SH3BP2: variants seen among roughly 807,000 people sequenced by gnomAD.
SH3BP2 encodes the protein SH3 domain-binding protein 2.
A neutral mutation model predicts 56.2 loss-of-function variants in SH3BP2; 38 were observed. The observed-to-expected ratio is 0.68, with a 90% confidence interval of 0.52 to 0.89. The LOEUF (loss-of-function observed/expected upper bound fraction) is 0.89. Ranked by LOEUF, SH3BP2 falls within the 40% of genes least tolerant of loss-of-function variation. SH3BP2 has a pLI of 0.00. For missense variants in SH3BP2, 748 were observed against 762.6 expected (o/e 0.98, Z 0.23); for synonymous variants, 346 against 316.7 (o/e 1.09, Z -0.98).
At chr4:2,804,119 C>T (rs1042528118) in intron 1 of SH3BP2, among the ~76,000 whole-genome samples, 15 of 152,134 alleles carry the variant, frequency 9.9e-5, no homozygotes, top group African/African-American at 2.9e-4. Context: ...TCCCTGGCCT[C>T]GGTTTCCTGC....
rs563667481 is a variant in SH3BP2 at position 2,822,040 on chromosome 4, G to A, written c.137-895G>A. On this transcript the variant is annotated intron_variant, in intron 2 of 12. Coordinates refer to ENST00000503393, the MANE Select transcript of SH3BP2 (RefSeq NM_001122681.2). ...GTGCCACCACGCCCAGCTAATTTTT[G>A]TATTTTTAGTAGAGACAGCGTTTCA... Among the ~76,000 whole-genome samples, 50 of 151,892 alleles carry A rather than the reference G, an allele frequency of 3.3e-4. No individual in the cohort carries two copies. The South Asian group carries it at 4.2e-3, about 13-fold the overall frequency.
chr4:2,802,600 ATG>A (rs1723347641), intron 1 of SH3BP2, among the ~76,000 whole-genome samples: 1 of 131,624 alleles, frequency 7.6e-6, no homozygotes, highest in Non-Finnish European at 1.6e-5. Context: ...GTTTGTATAT[ATG>A]TGTATATATG....
rs1560099428 is a variant in SH3BP2, at chr4:2,810,255, G to A, written c.-4-10359G>A. Among the ~76,000 whole-genome samples, 1 of 151,796 alleles carries A rather than the reference G, an allele frequency of 6.6e-6. No homozygotes were observed. The highest frequency in any genetic ancestry group is 1.5e-5 in the Non-Finnish European group (1 of 67,928). On this transcript the variant is annotated intron_variant, in intron 1 of 12. Transcript: ENST00000503393. The surrounding 1 kb of genome is among the most constrained non-coding windows in gnomAD (Gnocchi z 4.2). ...ATAGGGTTGGGGAAGGGGCTGGTGT[G>A]GATTTGTCCCCCACCCCCAGGGTCC...
At chr4:2,832,020 C>G (rs748592900) in intron 10 of SH3BP2, 42 bp downstream of exon 10, 2 of 1,597,680 alleles carry the variant, frequency 1.3e-6, no homozygotes, top group South Asian at 2.2e-5. Context: ...TCCGCCATGC[C>G]CGGCTTCCTG....
In SH3BP2 at chr4:2,829,307, G is replaced by T. The variant is rs983555524; in HGVS notation, c.587-186G>T. ...GGATGAATGGGGAAGGCTGGGGGTG[G>T]TGGGTGGTCTGGGACCCTGGGGAAG... On this transcript the variant is annotated intron_variant, in intron 7 of 12. Coordinates refer to ENST00000503393, the MANE Select transcript of SH3BP2 (RefSeq NM_001122681.2). This position sits in a 1 kb window ranked among gnomAD's most constrained non-coding sequence, Gnocchi z 4.9. Among the ~76,000 whole-genome samples, 8 of 151,992 alleles carry T rather than the reference G, an allele frequency of 5.3e-5. No individual in the cohort carries two copies. The highest frequency in any genetic ancestry group is 8.8e-5 in the Non-Finnish European group (6 of 67,998).
chr4:2,836,346 A>T lies in SH3BP2; in HGVS notation c.*2512A>T, dbSNP rs1432161585. The T allele has an allele frequency of 6.6e-6, 1 of 152,358 alleles. No individual in the cohort carries two copies. Among genetic ancestry groups the T allele is most frequent in the South Asian group, 2.1e-4 (1 of 4,816 alleles). 9.4% of individuals were successfully genotyped at this position (152,358 alleles called of 1,614,324 possible). ...CCCATGACCTCCCGAGACTTGCCAT[A>T]AGTGTTCTAGTCCACATATAAGGGT... is the stretch of plus-strand genomic sequence containing the variant. On this transcript the variant is annotated 3_prime_UTR_variant, in exon 13 of 13. Coordinates refer to ENST00000503393, the MANE Select transcript of SH3BP2 (RefSeq NM_001122681.2).
In SH3BP2 at chr4:2,831,511, G is replaced by A. The variant is rs893559516; in HGVS notation, c.1242-60G>A. 6.9e-6 allele frequency: 9 copies of A among 1,313,664 alleles called. No individual in the cohort carries two copies. The highest frequency in any genetic ancestry group is 8.6e-6 in the Non-Finnish European group (8 of 930,252). The allele number at this position is 1,313,664 out of a possible 1,614,324, so 81.4% of individuals were successfully genotyped here. A position where few individuals can be genotyped will look rare whatever the true frequency, so the allele number is the denominator to read the frequency against. On this transcript the variant is annotated intron_variant, in intron 8 of 12. Coordinates refer to ENST00000503393, the MANE Select transcript of SH3BP2 (RefSeq NM_001122681.2). The surrounding 1 kb of genome is among the most constrained non-coding windows in gnomAD (Gnocchi z 4.1). Reference sequence around the variant, plus strand: ...AGGGTGGAGTGGGGAGGGGAGCAGAGGGTGGCCGCCCCGTGTCTGACAGTG... The same window carrying A: ...AGGGTGGAGTGGGGAGGGGAGCAGAAGGTGGCCGCCCCGTGTCTGACAGTG...
In SH3BP2 at chr4:2,829,413, G is replaced by A; in HGVS notation, c.587-80G>A. On this transcript the variant is annotated intron_variant, in intron 7 of 12. Coordinates refer to ENST00000503393, the MANE Select transcript of SH3BP2 (RefSeq NM_001122681.2). The surrounding 1 kb of genome is among the most constrained non-coding windows in gnomAD (Gnocchi z 4.9). ...CTACCATGGGTTGCACTCCTGGTTGGCCTGGCTGACCACTGCCAGCAGAGG... is the reference window on the plus strand; with the variant it reads ...CTACCATGGGTTGCACTCCTGGTTGACCTGGCTGACCACTGCCAGCAGAGG... 4 of 1,510,238 alleles carry A rather than the reference G, an allele frequency of 2.6e-6. No homozygotes were observed. The highest frequency in any genetic ancestry group is 3.7e-6 in the Non-Finnish European group (4 of 1,086,996). 93.6% of individuals were successfully genotyped at this position (1,510,238 alleles called of 1,614,324 possible).
intron 1 of SH3BP2, 22 bp from the exon 2 acceptor site, chr4:2,820,592 G>A (rs770529314): frequency 2.5e-6 from 4 of 1,613,954 alleles, no homozygotes; most frequent in African/African-American, 1.3e-5. Context: ...GCTGAGCCAC[G>A]TGCCTTTGTC....
Position 2,818,716 on chromosome 4 carries a change from C to G in SH3BP2, c.-4-1898C>G, listed in dbSNP as rs116527439. 1,718 of 994,472 alleles carry G rather than the reference C, an allele frequency of 1.7e-3. 18 individuals carry two copies. The African/African-American group carries it at 0.027, about 16-fold the overall frequency. The allele number at this position is 994,472 out of a possible 1,614,324, so 61.6% of individuals were successfully genotyped here. On this transcript the variant is annotated intron_variant, in intron 1 of 12. Coordinates refer to ENST00000503393, the MANE Select transcript of SH3BP2 (RefSeq NM_001122681.2). ...GGTGTGGCGGCGCCTTTGTTCCAAA[C>G]CTTGGCCTGTGGTTGGGGGTCCTGC...
chr4:2,825,113 C>T lies in SH3BP2; in HGVS notation c.358-13C>T, dbSNP rs199799999. On this transcript the variant is annotated splice_polypyrimidine_tract_variant and intron_variant, in intron 4 of 12. Transcript: ENST00000503393. ...GGTGGCACCGTGCCCACCACAGCCC[C>T]GCTGACCTGCAGAGCTGGATGGCCT... The T allele has an allele frequency of 9.6e-6, 15 of 1,563,406 alleles. No homozygotes were observed. The highest frequency in any genetic ancestry group is 1.7e-4 in the Middle Eastern group (1 of 5,996).
At chr4:2,796,503 T>A in intron 1 of SH3BP2, 1 of 967,004 alleles carries the variant, frequency 1.0e-6, no homozygotes, top group Non-Finnish European at 1.2e-6. Context: ...TGGATTCCGG[T>A]CACATCTGGT....
rs1725032953 is a variant in SH3BP2, at chr4:2,832,332, T to C, written c.1408T>C (p.Leu470=). ...GCTAATATGACTGTCTTATTTTAGG[T>C]TGTTCAAGGCTACAAGCCCCCGGGG... ...NTTESCEVER[L]FKATSPRGEP... Residue 470 remains leucine (L), a splice_region_variant and synonymous_variant, in exon 11 of 13, where the codon TTG becomes CTG. Coordinates refer to ENST00000503393, the MANE Select transcript of SH3BP2 (RefSeq NM_001122681.2). 1 of 1,613,378 alleles carries C rather than the reference T, an allele frequency of 6.2e-7. No homozygotes were observed. The highest frequency in any genetic ancestry group is 1.3e-5 in the African/African-American group (1 of 74,870).
chr4:2,800,571 G>A (rs1172249550), intron 1 of SH3BP2, among the ~76,000 whole-genome samples: 2 of 151,222 alleles, frequency 1.3e-5, no homozygotes, highest in Middle Eastern at 3.2e-3. Context: ...GGCTGATGAC[G>A]GGCCAGGTGG....
At chr4:2,804,175 G>T (rs1723436327) in intron 1 of SH3BP2, among the ~76,000 whole-genome samples, 1 of 152,116 alleles carries the variant, frequency 6.6e-6, no homozygotes, top group Non-Finnish European at 1.5e-5. Flanking sequence ...CAACTCTCTG[G>T]GGGTCTCCTT....
chr4:2,829,533 G>T lies in SH3BP2; in HGVS notation c.627G>T (p.Val209=). 6.2e-7 allele frequency: 1 copy of T among 1,613,504 alleles called. No individual in the cohort carries two copies. Among genetic ancestry groups the T allele is most frequent in the Non-Finnish European group, 8.5e-7 (1 of 1,179,966 alleles). Residue 209 remains valine, a synonymous_variant, in exon 8 of 13, where the codon GTG becomes GTT. Coordinates refer to ENST00000503393, the MANE Select transcript of SH3BP2 (RefSeq NM_001122681.2). This position sits in a 1 kb window ranked among gnomAD's most constrained non-coding sequence, Gnocchi z 4.9. The stretch of plus-strand genomic sequence containing the variant: ...CACCGGCTTACCCACCACCCCCAGT[G>T]CCCACGCCCAGGAAGCCAGCCTTCT... The part of the protein sequence containing the change: ...MHPPAYPPPP[V]PTPRKPAFSD...
At chr4:2,832,433 C>T (rs201082187) in intron 11 of SH3BP2, 21 bp downstream of exon 11, 16 of 1,592,938 alleles carry the variant, frequency 1.0e-5, no homozygotes, top group Non-Finnish European at 1.4e-5. Flanking sequence ...GGGGAAGATG[C>T]CCCAGGGCCC....
At chr4:2,807,185 C>T (rs993084114) in intron 1 of SH3BP2, among the ~76,000 whole-genome samples, 1 of 152,208 alleles carries the variant, frequency 6.6e-6, no homozygotes, top group Admixed American at 6.5e-5. Flanking sequence ...GCTTGTCTCA[C>T]TGGGCAGAGG....
rs1040962424 is a variant in SH3BP2, at chr4:2,831,468, C to T, written c.1242-103C>T. The T allele has an allele frequency of 9.3e-6, 8 of 863,776 alleles. No homozygotes were observed. In the African/African-American group the frequency reaches 1.2e-4, roughly 13 times the overall value. The allele number at this position is 863,776 out of a possible 1,614,324, so 53.5% of individuals were successfully genotyped here. A position where few individuals can be genotyped will look rare whatever the true frequency, so the allele number is the denominator to read the frequency against. Reference sequence around the variant, plus strand: ...GGGTCACAGGGGCCATAGCAGGCAGCTTGCCGTCCTCACACAGAGGGTGGA... The same window carrying T: ...GGGTCACAGGGGCCATAGCAGGCAGTTTGCCGTCCTCACACAGAGGGTGGA... On this transcript the variant is annotated intron_variant, in intron 8 of 12. Transcript: ENST00000503393. The surrounding 1 kb of genome is among the most constrained non-coding windows in gnomAD (Gnocchi z 4.1).
Sources: allele counts gnomAD v4.1 joint callset (sites outside exome capture counted in the v4.1 genomes callset), GRCh38; gene constraint gnomAD v4.1.1; non-coding constraint Gnocchi (gnomAD v3.1); transcripts MANE v1.5; gene names NCBI Gene and HGNC (gene_info 2026-07-23, HGNC 2026-07-21).